The following CEP128 variants were observed in gnomAD, a reference collection of about 807,000 sequenced individuals.
CEP128 encodes the protein centrosomal protein 128kDa.
In CEP128, 132 loss-of-function variants were observed where a neutral mutation model predicts 156.7. That is an observed-to-expected ratio of 0.84 (90% confidence interval 0.73 to 0.97). The LOEUF is 0.97. CEP128 is among the 50% of genes least tolerant of loss of function. The pLI is 0.00. For synonymous variants in CEP128, 469 were observed against 448.9 expected (o/e 1.04, Z -0.57); for missense variants, 1,252 against 1,281.9 (o/e 0.98, Z 0.36).
chr14:80,561,482 T>C (rs958701641), intron 20 of CEP128, among the ~76,000 whole-genome samples: 4 of 152,162 alleles, frequency 2.6e-5, no homozygotes, highest in African/African-American at 9.7e-5. Flanking sequence ...CCTTTGCAGA[T>C]TGAACAGAAC....
intron 13 of CEP128, among the ~76,000 whole-genome samples, chr14:80,801,214 T>C (rs1185102994): frequency 6.6e-6 from 1 of 152,230 alleles, no homozygotes; most frequent in Non-Finnish European, 1.5e-5. Context: ...CTCTTTCTAT[T>C]TGAATGCCTT....
At chr14:80,902,580 T>G (rs949578828) in intron 6 of CEP128, among the ~76,000 whole-genome samples, 2 of 152,194 alleles carry the variant, frequency 1.3e-5, no homozygotes, top group African/African-American at 4.8e-5. Flanking sequence ...TTCTATTTAA[T>G]TTAGCTACTT....
At chr14:80,503,515 T>C (rs1009189268) in intron 24 of CEP128, among the ~76,000 whole-genome samples, 2 of 152,196 alleles carry the variant, frequency 1.3e-5, no homozygotes, top group African/African-American at 4.8e-5. Context: ...ATGAAGGTCA[T>C]AATGGCAAAA....
chr14:80,589,458 T>C (rs1240140076), intron 19 of CEP128, among the ~76,000 whole-genome samples: 2 of 152,146 alleles, frequency 1.3e-5, no homozygotes, highest in Non-Finnish European at 2.9e-5. Flanking sequence ...CCACATTCAA[T>C]GAAAGCCTTG....
chr14:80,687,809 T>A (rs985530158), intron 19 of CEP128, among the ~76,000 whole-genome samples: 7 of 152,164 alleles, frequency 4.6e-5, no homozygotes, highest in African/African-American at 1.7e-4. Context: ...ATCGCACTCA[T>A]GCACGAAAAT....
chr14:80,714,335 C>T (rs1186052170), intron 19 of CEP128, among the ~76,000 whole-genome samples: 1 of 151,996 alleles, frequency 6.6e-6, no homozygotes, highest in Non-Finnish European at 1.5e-5. Context: ...TACACACACA[C>T]TTAAGGCTAC....
intron 19 of CEP128, among the ~76,000 whole-genome samples, chr14:80,591,820 T>C (rs1487140814): frequency 6.6e-6 from 1 of 152,154 alleles, no homozygotes; most frequent in African/African-American, 2.4e-5. Context: ...CAAACCACAG[T>C]GCAATCAAAT....
At chr14:80,721,316 G>A (rs1417240450) in intron 19 of CEP128, among the ~76,000 whole-genome samples, 2 of 151,958 alleles carry the variant, frequency 1.3e-5, no homozygotes, top group Non-Finnish European at 2.9e-5. Context: ...AAAAGAATAA[G>A]ACCAAAAAAT....
intron 19 of CEP128, among the ~76,000 whole-genome samples, chr14:80,653,316 C>G (rs1169646484): frequency 2.6e-5 from 4 of 151,822 alleles, no homozygotes; most frequent in Non-Finnish European, 5.9e-5. Flanking sequence ...ACATGCACCC[C>G]AGAACTTAAA....
intron 19 of CEP128, among the ~76,000 whole-genome samples, chr14:80,690,783 T>C (rs1273567522): frequency 1.3e-5 from 2 of 152,182 alleles, no homozygotes; most frequent in Non-Finnish European, 2.9e-5. Context: ...GAATCAACTT[T>C]GGAACTCAAA....
At chr14:80,490,742 T>A (rs1022253285) in intron 6 of CEP128, 1 of 152,274 alleles carries the variant, frequency 6.6e-6, no homozygotes, top group Middle Eastern at 3.4e-3. Context: ...CACATGATAT[T>A]GGAAACCAAG....
chr14:80,922,200 G>A (rs1416985141), intron 2 of CEP128, among the ~76,000 whole-genome samples: 1 of 152,086 alleles, frequency 6.6e-6, no homozygotes, highest in Admixed American at 6.5e-5. Flanking sequence ...CCATTTTCTT[G>A]GTAACTGTGT....
intron 2 of CEP128, among the ~76,000 whole-genome samples, chr14:80,937,275 AG>A (rs1302270217): frequency 1.3e-5 from 2 of 152,192 alleles, no homozygotes; most frequent in Non-Finnish European, 2.9e-5. Context: ...GAGCCAAGAT[AG>A]CACCACTGCA....
chr14:80,820,610 G>A (rs1300331503), intron 13 of CEP128, among the ~76,000 whole-genome samples: 1 of 152,202 alleles, frequency 6.6e-6, no homozygotes, highest in African/African-American at 2.4e-5. Flanking sequence ...AGTGGCAAAT[G>A]TCAGAATTGC....
At chr14:80,494,002 T>C (rs1395751719), downstream of CEP128, among the ~76,000 whole-genome samples, 1 of 152,216 alleles carries the variant, frequency 6.6e-6, no homozygotes. Context: ...TAAGCATTTC[T>C]TCCAGCCTTA....
chr14:80,590,777 A>G (rs1892022137), intron 19 of CEP128, among the ~76,000 whole-genome samples: 1 of 152,172 alleles, frequency 6.6e-6, no homozygotes, highest in Non-Finnish European at 1.5e-5. Flanking sequence ...AAAAGTATTT[A>G]GAGGGAACAT....
At chr14:80,502,842 C>T (rs1407185780) in intron 24 of CEP128, among the ~76,000 whole-genome samples, 1 of 152,022 alleles carries the variant, frequency 6.6e-6, no homozygotes, top group Non-Finnish European at 1.5e-5. Flanking sequence ...AGGACAATTT[C>T]TGTAACTGAG....
At chr14:80,501,504 T>C (rs1405899270) in intron 24 of CEP128, among the ~76,000 whole-genome samples, 2 of 151,914 alleles carry the variant, frequency 1.3e-5, no homozygotes, top group African/African-American at 2.4e-5. Context: ...TTTCTTTTCT[T>C]TTTCTTTTTC....
At chr14:80,529,554 G>A (rs1225792113) in intron 22 of CEP128, among the ~76,000 whole-genome samples, 1 of 152,146 alleles carries the variant, frequency 6.6e-6, no homozygotes, top group African/African-American at 2.4e-5. Flanking sequence ...GCTGGTATAA[G>A]ACAGGTATCT....
Sources: gnomAD v4.1 joint callset for allele counts (sites outside exome capture counted in the v4.1 genomes callset) on GRCh38, gnomAD v4.1.1 for gene constraint, MANE v1.5 for transcripts, NCBI Gene and HGNC (gene_info 2026-07-23, HGNC 2026-07-21) for gene names.